The following DNAH14 variants were observed in gnomAD, a reference collection of about 807,000 sequenced individuals.
DNAH14 encodes axonemal beta dynein heavy chain 14.
A neutral mutation model predicts 520.9 loss-of-function variants in DNAH14; 478 were observed. The ratio of observed to expected loss-of-function variants is 0.92; its 90% confidence interval spans 0.85 to 0.99. The LOEUF is 0.99. Among genes scored for constraint, DNAH14 ranks in the 50% least tolerant of loss-of-function variants. DNAH14 has a pLI of 0.00. For missense variants in DNAH14, 4,831 were observed against 5,234.5 expected (o/e 0.92, Z 2.38); for synonymous variants, 1,581 against 1,757.2 (o/e 0.90, Z 2.51).
At chr1:225,049,839 A>G (rs953696147) in intron 15 of DNAH14, among the ~76,000 whole-genome samples, 4 of 152,024 alleles carry the variant, frequency 2.6e-5, no homozygotes, top group Non-Finnish European at 5.9e-5. Context: ...GTGGACATCC[A>G]GTTGTTCAGC....
intron 1 of DNAH14, among the ~76,000 whole-genome samples, chr1:224,932,382 A>AT (rs1311744237): frequency 3.3e-5 from 5 of 151,650 alleles, no homozygotes. Context: ...ATAGTTTGCA[A>AT]TTTTTTTCTC....
chr1:224,969,839 TCTTTA>T (rs1349388609), intron 7 of DNAH14: 1 of 153,888 alleles, frequency 6.5e-6, no homozygotes, highest in African/African-American at 2.4e-5. Flanking sequence ...CCTATGCCTG[TCTTTA>T]CTTTAATCTC....
intron 8 of DNAH14, among the ~76,000 whole-genome samples, chr1:225,000,363 A>C (rs2063675128): frequency 6.6e-6 from 1 of 151,480 alleles, no homozygotes. Context: ...GGTGTGGATT[A>C]TTTTGTCTTT....
chr1:225,128,575 A>T (rs1258030364), intron 27 of DNAH14, among the ~76,000 whole-genome samples: 2 of 151,740 alleles, frequency 1.3e-5, no homozygotes, highest in Admixed American at 6.6e-5. Flanking sequence ...CCACATGATT[A>T]TCTCAATAGA....
chr1:225,178,676 A>G (rs954118626), intron 36 of DNAH14, among the ~76,000 whole-genome samples: 2 of 152,144 alleles, frequency 1.3e-5, no homozygotes, highest in African/African-American at 4.8e-5. Context: ...GAGACTTTGG[A>G]CTGTGGATTT....
intron 36 of DNAH14, 98 bp downstream of exon 36, chr1:225,168,126 G>C: frequency 1.4e-6 from 1 of 722,860 alleles, no homozygotes; most frequent in Non-Finnish European, 2.2e-6. Context: ...AGCTGTTACA[G>C]GTATAATTTT....
chr1:225,126,947 G>A (rs1304291312), intron 27 of DNAH14, among the ~76,000 whole-genome samples: 37 of 151,856 alleles, frequency 2.4e-4, no homozygotes, highest in Non-Finnish European at 2.1e-4. Context: ...CTTTATTTCT[G>A]CCTTCATTTC....
intron 77 of DNAH14, among the ~76,000 whole-genome samples, chr1:225,369,421 A>G (rs2095590758): frequency 2.0e-5 from 3 of 152,026 alleles, no homozygotes; most frequent in Non-Finnish European, 4.4e-5. Context: ...CAATATTAAT[A>G]TTAGTCAGAA....
In DNAH14 at chr1:225,098,699, A is replaced by G. The variant is rs1216767965; in HGVS notation, c.3695+1460A>G. On this transcript the variant is annotated intron_variant, in intron 22 of 85. Transcript: ENST00000682510. The stretch of plus-strand genomic sequence containing the variant: ...TATTCTGAAAGTTCTCAAAGGTGAA[A>G]CCACATACCTAAGGTGTATGTCCTT... Among the ~76,000 whole-genome samples, 4 of 152,172 alleles carry G rather than the reference A, an allele frequency of 2.6e-5. No individual in the cohort carries two copies. In the East Asian group the frequency reaches 7.7e-4, roughly 29 times the overall value.
chr1:225,038,940 G>A (rs943550888), intron 12 of DNAH14, 117 bp downstream of exon 12: 14 of 822,628 alleles, frequency 1.7e-5, no homozygotes, highest in African/African-American at 5.4e-5. Flanking sequence ...ACATACCCTC[G>A]CCAACACACA....
intron 68 of DNAH14, among the ~76,000 whole-genome samples, chr1:225,340,019 C>A (rs1050501910): frequency 6.6e-6 from 1 of 151,472 alleles, no homozygotes; most frequent in Non-Finnish European, 1.5e-5. Flanking sequence ...CACCACCATA[C>A]AATTAATCCA....
intron 73 of DNAH14, among the ~76,000 whole-genome samples, chr1:225,355,085 GA>G (rs67195747): frequency 0.19 from 28,284 of 151,904 alleles, 2,990 homozygotes; most frequent in East Asian, 0.35. Context: ...TAACAAAATA[GA>G]TTGCTAAAAC....
At chr1:225,236,298 A>G (rs974471753) in intron 42 of DNAH14, among the ~76,000 whole-genome samples, 1 of 152,208 alleles carries the variant, frequency 6.6e-6, no homozygotes, top group Non-Finnish European at 1.5e-5. Flanking sequence ...AGAGTCATTG[A>G]GGAGCACGTT....
intron 75 of DNAH14, among the ~76,000 whole-genome samples, chr1:225,361,808 C>T: frequency 6.6e-6 from 1 of 152,044 alleles, no homozygotes; most frequent in Non-Finnish European, 1.5e-5. Flanking sequence ...CTGTTTGGGG[C>T]CAGGAGTTCG....
intron 41 of DNAH14, among the ~76,000 whole-genome samples, chr1:225,211,596 T>G (rs2088422754): frequency 6.6e-6 from 1 of 152,068 alleles, no homozygotes; most frequent in Non-Finnish European, 1.5e-5. Flanking sequence ...CCAGAAGAAC[T>G]TCCCCAACCT....
At chr1:225,106,020 C>T (rs1270199279) in intron 23 of DNAH14, among the ~76,000 whole-genome samples, 1 of 136,546 alleles carries the variant, frequency 7.3e-6, no homozygotes, top group African/African-American at 3.5e-5. Flanking sequence ...TGGCTGGTAC[C>T]AGTTGTTCCT....
chr1:225,178,632 C>T (rs2083608650), intron 36 of DNAH14, among the ~76,000 whole-genome samples: 1 of 152,148 alleles, frequency 6.6e-6, no homozygotes. Context: ...ATTTTACAAG[C>T]CCATAGGCAG....
intron 57 of DNAH14, among the ~76,000 whole-genome samples, chr1:225,304,098 T>C (rs1186519013): frequency 6.6e-6 from 1 of 152,206 alleles, no homozygotes; most frequent in Non-Finnish European, 1.5e-5. Flanking sequence ...CTAGGTTATG[T>C]CTAAATCAGA....
chr1:225,371,311 G>C (rs753253047), intron 77 of DNAH14, among the ~76,000 whole-genome samples: 3 of 152,074 alleles, frequency 2.0e-5, no homozygotes, highest in Non-Finnish European at 4.4e-5. Context: ...CCCAGTAACT[G>C]GAAATTTATA....
Sources: allele counts gnomAD v4.1 joint callset (sites outside exome capture counted in the v4.1 genomes callset), GRCh38; gene constraint gnomAD v4.1.1; transcripts MANE v1.5; gene names NCBI Gene and HGNC (gene_info 2026-07-23, HGNC 2026-07-21).